CACNA1E: variants seen among roughly 807,000 people sequenced by gnomAD.
CACNA1E encodes voltage-dependent R-type calcium channel subunit alpha-1E.
A neutral mutation model predicts 259.2 loss-of-function variants in CACNA1E; 40 were observed. That is an observed-to-expected ratio of 0.15 (90% confidence interval 0.12 to 0.20). The LOEUF is 0.20. CACNA1E is among the 10% of genes least tolerant of loss of function. The pLI is 1.00. For missense variants in CACNA1E, 1,874 were observed against 3,040.1 expected (o/e 0.62, Z 9.02); for synonymous variants, 1,104 against 1,138.5 (o/e 0.97, Z 0.61).
intron 7 of CACNA1E, among the ~76,000 whole-genome samples, chr1:181,687,134 A>G (rs1299382166): frequency 6.6e-6 from 1 of 152,182 alleles, no homozygotes; most frequent in Non-Finnish European, 1.5e-5. Context: ...GAAGGGAGGA[A>G]TGAACCATCT....
chr1:181,430,559 G>A (rs979914365), intron 2 of CACNA1E, among the ~76,000 whole-genome samples: 5 of 152,090 alleles, frequency 3.3e-5, no homozygotes, highest in African/African-American at 7.2e-5. Context: ...GTACATGCCC[G>A]AAAAGAGGAG....
At chr1:181,426,943 TCTCAACCCCTTCACAA>T (rs1659314901) in intron 2 of CACNA1E, among the ~76,000 whole-genome samples, 1 of 122,086 alleles carries the variant, frequency 8.2e-6, no homozygotes, top group Non-Finnish European at 1.7e-5. Context: ...CCGCTGCCCA[TCTCAACCCCTTCACAA>T]CTCAACCCCT....
Position 181,790,469 on chromosome 1 carries a change from G to A in CACNA1E, c.5811G>A (p.Ser1937=), listed in dbSNP as rs761786857. 3.7e-6 allele frequency: 6 copies of A among 1,612,146 alleles called. No homozygotes were observed. Among genetic ancestry groups the A allele is most frequent in the Admixed American group, 3.3e-5 (2 of 59,980 alleles). The change falls in exon 44 of 48, where the codon TCG becomes TCA. Residue 1937 remains serine (S), a synonymous_variant. Coordinates refer to ENST00000367573, the MANE Select transcript of CACNA1E (RefSeq NM_001205293.3). ...GGAGTGGCCGGAGTGGATACCCTTC[G>A]ATGAGTCCACTCTCTCCCCAGGATA... is the stretch of plus-strand genomic sequence containing the variant. The part of the protein sequence containing the change: ...SGLSGRSGYP[S]MSPLSPQDIF...
chr1:181,790,595 T>C, intron 44 of CACNA1E, 39 bp downstream of exon 44: 1 of 1,198,278 alleles, frequency 8.3e-7, no homozygotes, highest in Non-Finnish European at 1.3e-6. Flanking sequence ...ACTACTTCCT[T>C]GGTTTCCTGA....
intron 1 of CACNA1E, among the ~76,000 whole-genome samples, chr1:181,402,369 G>A (rs1657162072): frequency 6.6e-6 from 1 of 152,144 alleles, no homozygotes; most frequent in South Asian, 2.1e-4. Context: ...AAAGAGGTGG[G>A]AAGGGTCCCA....
intron 2 of CACNA1E, among the ~76,000 whole-genome samples, chr1:181,415,474 G>A (rs1462907403): frequency 6.6e-6 from 1 of 152,140 alleles, no homozygotes; most frequent in Admixed American, 6.5e-5. Flanking sequence ...TGGAGGAAGA[G>A]CACATGAAGG....
chr1:181,588,283 C>CT (rs1052479458), intron 6 of CACNA1E, among the ~76,000 whole-genome samples: 50 of 152,300 alleles, frequency 3.3e-4, no homozygotes, highest in Admixed American at 9.2e-4. Context: ...GTGTCTGTCT[C>CT]TTTTTTTAAA....
chr1:181,724,631 C>T, intron 17 of CACNA1E, 94 bp downstream of exon 17: 1 of 1,029,994 alleles, frequency 9.7e-7, no homozygotes, highest in Non-Finnish European at 1.5e-6. Context: ...CATTGTCTGA[C>T]TCAGGCCTGC....
intron 1 of CACNA1E, among the ~76,000 whole-genome samples, chr1:181,373,910 T>C (rs1654901270): frequency 6.6e-6 from 1 of 152,226 alleles, no homozygotes. Context: ...TTTATTAATG[T>C]AGCTAGCAGT....
At chr1:181,715,421 G>A (rs1485749070) in intron 9 of CACNA1E, 30 bp downstream of exon 9, 3 of 1,378,526 alleles carry the variant, frequency 2.2e-6, no homozygotes. Flanking sequence ...CCTTATTCCA[G>A]TTGCATTTGC....
At chr1:181,675,796 G>C (rs372145446) in intron 7 of CACNA1E, among the ~76,000 whole-genome samples, 91 of 152,324 alleles carry the variant, frequency 6.0e-4, no homozygotes, top group Middle Eastern at 6.8e-3. Flanking sequence ...CGGGATTGCC[G>C]TCAGGGGTTG....
intron 24 of CACNA1E, 103 bp downstream of exon 24, chr1:181,738,529 G>T: frequency 1.1e-6 from 1 of 896,534 alleles, no homozygotes; most frequent in South Asian, 1.4e-5. Flanking sequence ...ACCAGCCAAT[G>T]GCAGCCCTCA....
intron 3 of CACNA1E, among the ~76,000 whole-genome samples, chr1:181,545,091 T>C (rs1164867197): frequency 1.3e-5 from 2 of 151,924 alleles, no homozygotes; most frequent in Non-Finnish European, 2.9e-5. Flanking sequence ...GGTAAAAACA[T>C]TTCAGCTCCA....
rs547000976 is a variant in CACNA1E at position 181,518,824 on chromosome 1, C to T, written c.512+7314C>T. Among the ~76,000 whole-genome samples, 5 of 152,324 alleles carry T rather than the reference C, an allele frequency of 3.3e-5. No homozygotes were observed. The East Asian group carries it at 5.8e-4, about 18-fold the overall frequency. On this transcript the variant is annotated intron_variant, in intron 3 of 47. Transcript: ENST00000367573. ...CTGAAAGGCTTCTTCTTGCCACCCC[C>T]ACCCATTGACAGAAGCTCCATATGG...
intron 1 of CACNA1E, among the ~76,000 whole-genome samples, chr1:181,359,496 G>A (rs1034172334): frequency 5.9e-5 from 9 of 152,190 alleles, no homozygotes; most frequent in African/African-American, 2.2e-4. Flanking sequence ...TGGCTGAAGG[G>A]AGAGGTGATG....
chr1:181,550,717 C>CT (rs766533399), intron 3 of CACNA1E, among the ~76,000 whole-genome samples: 141 of 145,130 alleles, frequency 9.7e-4, no homozygotes, highest in Non-Finnish European at 1.4e-3. Context: ...GAAATAAATG[C>CT]TTTTTTTTTT....
chr1:181,743,106 AG>A (rs1374161356), intron 25 of CACNA1E, among the ~76,000 whole-genome samples: 1 of 152,152 alleles, frequency 6.6e-6, no homozygotes, highest in East Asian at 1.9e-4. Flanking sequence ...CCCTGCAGGG[AG>A]GTGGGCAGAG....
At chr1:181,712,615 C>CAAGG (rs1177149118) in intron 8 of CACNA1E, among the ~76,000 whole-genome samples, 3 of 152,166 alleles carry the variant, frequency 2.0e-5, no homozygotes, top group Non-Finnish European at 2.9e-5. Context: ...TGTGTGTTGA[C>CAAGG]TATACTTGCA....
intron 2 of CACNA1E, among the ~76,000 whole-genome samples, chr1:181,428,460 G>T (rs1323036072): frequency 6.6e-6 from 1 of 152,164 alleles, no homozygotes; most frequent in East Asian, 1.9e-4. Context: ...CTTTCTGGGT[G>T]GGGTGGAGGG....
Sources: gnomAD v4.1 joint callset for allele counts (sites outside exome capture counted in the v4.1 genomes callset) on GRCh38, gnomAD v4.1.1 for gene constraint, MANE v1.5 for transcripts, NCBI Gene and HGNC (gene_info 2026-07-23, HGNC 2026-07-21) for gene names.